The following SGCZ variants were observed in gnomAD, a reference collection of about 807,000 sequenced individuals.
SGCZ encodes the protein zeta-sarcoglycan.
A neutral mutation model predicts 41.3 loss-of-function variants in SGCZ; 40 were observed. The ratio of observed to expected loss-of-function variants is 0.97; its 90% CI spans 0.75 to 1.26. The LOEUF is 1.26. Among genes scored for constraint, SGCZ ranks in the 50% most tolerant of loss-of-function variants. The pLI, the probability that SGCZ is intolerant of heterozygous loss-of-function variation, is 0.00. For synonymous variants in SGCZ, 206 were observed against 137.5 expected, an observed-to-expected ratio of 1.50 and a Z score of -3.49; for missense variants, 552 against 369.8, an observed-to-expected ratio of 1.49 and a Z score of -4.04.
chr8:14,168,380 C>T (rs1841903), intron 4 of SGCZ, among the ~76,000 whole-genome samples: 31,101 of 152,016 alleles, frequency 0.2, 3,356 homozygotes, highest in Admixed American at 0.24. Context: ...ACCCAAATTT[C>T]ATATTGAATT....
chr8:14,318,041 G>A (rs1048503258), intron 3 of SGCZ, among the ~76,000 whole-genome samples: 2 of 151,848 alleles, frequency 1.3e-5, no homozygotes, highest in African/African-American at 4.8e-5. Flanking sequence ...ACAGCATAGA[G>A]TTACTGGAAA....
chr8:14,408,905 T>C (rs1018034909), intron 2 of SGCZ, among the ~76,000 whole-genome samples: 1 of 152,088 alleles, frequency 6.6e-6, no homozygotes, highest in African/African-American at 2.4e-5. Flanking sequence ...TTTATGAATA[T>C]ATATTTTTAT....
chr8:15,072,590 G>C (rs1490472902), intron 1 of SGCZ, among the ~76,000 whole-genome samples: 2 of 152,116 alleles, frequency 1.3e-5, no homozygotes, highest in Admixed American at 6.5e-5. Context: ...GTAGAAATTG[G>C]ATATAGAACA....
intron 2 of SGCZ, among the ~76,000 whole-genome samples, chr8:14,365,186 G>C (rs558584628): frequency 2.0e-5 from 3 of 151,730 alleles, no homozygotes; most frequent in Non-Finnish European, 2.9e-5. Context: ...ATTCAAGCTG[G>C]ACTTACCTAC....
chr8:14,323,695 A>C (rs552342070), intron 3 of SGCZ, among the ~76,000 whole-genome samples: 1 of 152,280 alleles, frequency 6.6e-6, no homozygotes, highest in East Asian at 1.9e-4. Flanking sequence ...CATTTCTTTT[A>C]GAAAATGCAT....
chr8:14,541,975 G>GT (rs1803483855), intron 2 of SGCZ, among the ~76,000 whole-genome samples: 1 of 151,956 alleles, frequency 6.6e-6, no homozygotes, highest in African/African-American at 2.4e-5. Flanking sequence ...TTTTGATGAG[G>GT]CTTTTTGTTT....
chr8:15,025,294 A>G (rs1001824867), intron 1 of SGCZ, among the ~76,000 whole-genome samples: 1 of 151,942 alleles, frequency 6.6e-6, no homozygotes, highest in Non-Finnish European at 1.5e-5. Context: ...GAAGTGCTGT[A>G]TTTTTTTTCT....
chr8:15,216,389 T>A (rs1466508877), intron 1 of SGCZ, among the ~76,000 whole-genome samples: 1 of 151,664 alleles, frequency 6.6e-6, no homozygotes, highest in Non-Finnish European at 1.5e-5. Flanking sequence ...CTGGCTAACT[T>A]TTTTATATTT....
chr8:14,284,792 T>G (rs1449134518), intron 3 of SGCZ, among the ~76,000 whole-genome samples: 1 of 152,216 alleles, frequency 6.6e-6, no homozygotes, highest in East Asian at 1.9e-4. Flanking sequence ...TTGAAATTGT[T>G]GTGTACATCT....
At position 15,084,631 on chromosome 8, in the gene SGCZ, A is replaced by T. The variant is rs186659885; in HGVS notation, c.39+152954T>A. Among the ~76,000 whole-genome samples the T allele has an allele frequency of 2.6e-4, 39 of 152,242 alleles. 1 individual carries two copies. The highest frequency in any genetic ancestry group is 1.1e-3 in the Admixed American group (17 of 15,292). ...GCTGGGCGTGGTAATGCATGTCTGT[A>T]GTCCCAGCTACTCGGAAGGTTGAGG... On this transcript the variant is annotated intron_variant, in intron 1 of 7. Transcript: ENST00000382080.
intron 1 of SGCZ, among the ~76,000 whole-genome samples, chr8:15,047,798 G>T (rs1241543127): frequency 1.3e-5 from 2 of 151,798 alleles, no homozygotes; most frequent in African/African-American, 2.4e-5. Flanking sequence ...TCATCGTACC[G>T]CAGTTAAAGT....
intron 1 of SGCZ, among the ~76,000 whole-genome samples, chr8:15,145,410 G>A (rs1563149661): frequency 6.6e-6 from 1 of 152,118 alleles, no homozygotes; most frequent in Non-Finnish European, 1.5e-5. Flanking sequence ...GCTACTGACT[G>A]CTTTGAAATC....
At chr8:14,558,970 G>T (rs927959086) in intron 1 of SGCZ, among the ~76,000 whole-genome samples, 2 of 151,848 alleles carry the variant, frequency 1.3e-5, no homozygotes, top group Non-Finnish European at 2.9e-5. Flanking sequence ...GGCACAGAAG[G>T]GACATACCTC....
At chr8:14,942,923 A>G (rs952584735) in intron 1 of SGCZ, among the ~76,000 whole-genome samples, 1 of 152,050 alleles carries the variant, frequency 6.6e-6, no homozygotes, top group African/African-American at 2.4e-5. Context: ...CTATATTGCT[A>G]CTCTTCAGAG....
chr8:14,266,261 G>A (rs1284040237), intron 3 of SGCZ, among the ~76,000 whole-genome samples: 2 of 152,068 alleles, frequency 1.3e-5, no homozygotes, highest in Non-Finnish European at 2.9e-5. Flanking sequence ...GGGCAGGGAT[G>A]AAGCAATACA....
chr8:15,211,243 A>G (rs1422723365), intron 1 of SGCZ, among the ~76,000 whole-genome samples: 3 of 151,078 alleles, frequency 2.0e-5, no homozygotes, highest in Non-Finnish European at 1.5e-5. Flanking sequence ...AGTTTGTCTT[A>G]TCCTTGGCCA....
intron 3 of SGCZ, among the ~76,000 whole-genome samples, chr8:14,279,219 T>A (rs1800340327): frequency 6.6e-6 from 1 of 152,044 alleles, no homozygotes; most frequent in African/African-American, 2.4e-5. Context: ...AGAGTTTACT[T>A]TTGGTTTTCT....
chr8:14,231,630 A>G (rs561101200), intron 4 of SGCZ, among the ~76,000 whole-genome samples: 2 of 152,206 alleles, frequency 1.3e-5, no homozygotes, highest in East Asian at 1.9e-4. Flanking sequence ...ATTATTTTAC[A>G]TAACTACCCT....
chr8:14,892,299 C>T (rs1354298103), intron 1 of SGCZ, among the ~76,000 whole-genome samples: 1 of 152,118 alleles, frequency 6.6e-6, no homozygotes, highest in African/African-American at 2.4e-5. Context: ...TCGCAACATA[C>T]CTCATTCCAC....
Sources: gnomAD v4.1 joint callset for allele counts (sites outside exome capture counted in the v4.1 genomes callset) on GRCh38, gnomAD v4.1.1 for gene constraint, MANE v1.5 for transcripts, NCBI Gene and HGNC (gene_info 2026-07-23, HGNC 2026-07-21) for gene names.